The following MAML3 variants were observed in gnomAD, a reference collection of about 807,000 sequenced individuals.
The protein encoded by MAML3 is mastermind like transcriptional coactivator 3, also known as mastermind-like protein 3.
MAML3 carries 27 observed loss-of-function variants against 101.9 expected under a neutral mutation model. The observed-to-expected ratio is 0.27, with a 90% CI of 0.20 to 0.37. The LOEUF (loss-of-function observed/expected upper bound fraction) is 0.37, where lower values mean the gene tolerates loss of function less well. Among genes scored for constraint, MAML3 ranks in the 10% least tolerant of loss-of-function variants. MAML3 has a pLI of 1.00. For synonymous variants in MAML3, 501 were observed against 555.9 expected (o/e 0.90, Z 1.39); for missense variants, 1,316 against 1,444.9 (o/e 0.91, Z 1.45).
At chr4:139,747,859 G>A (rs1315323252) in intron 2 of MAML3, among the ~76,000 whole-genome samples, 1 of 151,814 alleles carries the variant, frequency 6.6e-6, no homozygotes, top group African/African-American at 2.4e-5. Flanking sequence ...TTCGACACAA[G>A]CCTGATCGAT....
Position 139,789,729 on chromosome 4 carries a change from A to C in MAML3, c.2080-59062T>G, listed in dbSNP as rs1057131611. 5.9e-5 allele frequency among the ~76,000 whole-genome samples: 9 copies of C among 152,306 alleles called. 1 individual carries two copies. Among genetic ancestry groups the C allele is most frequent in the Admixed American group, 5.9e-4 (9 of 15,298 alleles). On this transcript the variant is annotated intron_variant, in intron 2 of 4. Transcript: ENST00000509479. ...TTGGAACAGAGAGAGAAAGTATTGA[A>C]GATTAAACAGAACAGTTAGAAAGTT...
chr4:139,816,551 G>A (rs1202532099), intron 2 of MAML3, among the ~76,000 whole-genome samples: 1 of 152,106 alleles, frequency 6.6e-6, no homozygotes, highest in East Asian at 1.9e-4. Flanking sequence ...GAGGAAAGGA[G>A]GAACAGACGG....
chr4:140,064,294 T>G (rs942675195), intron 1 of MAML3, among the ~76,000 whole-genome samples: 2 of 152,190 alleles, frequency 1.3e-5, no homozygotes, highest in African/African-American at 2.4e-5. Context: ...ATGACTGAAT[T>G]GAGAGGTAAA....
At chr4:140,057,553 C>A (rs1486523313) in intron 1 of MAML3, among the ~76,000 whole-genome samples, 2 of 152,056 alleles carry the variant, frequency 1.3e-5, no homozygotes, top group African/African-American at 4.8e-5. Context: ...GTAAAAGGCA[C>A]TTTTATGGAA....
intron 1 of MAML3, among the ~76,000 whole-genome samples, chr4:140,045,902 CCTAGTCTT>C (rs1727175318): frequency 6.6e-6 from 1 of 152,058 alleles, no homozygotes; most frequent in African/African-American, 2.4e-5. Flanking sequence ...ATTGCCGTGG[CCTAGTCTT>C]CTAGGGTTAA....
intron 2 of MAML3, among the ~76,000 whole-genome samples, chr4:139,749,491 C>T (rs1163397883): frequency 6.6e-6 from 1 of 152,156 alleles, no homozygotes; most frequent in Non-Finnish European, 1.5e-5. Flanking sequence ...TCACCACAGA[C>T]ACAGTACTCA....
rs10644498 is a variant in MAML3, at chr4:139,943,864, C to CTTTTTTTTTTTTTTTTTTTTTT, written c.469-52919_469-52898dup. Among the ~76,000 whole-genome samples, 323 of 65,864 alleles carry CTTTTTTTTTTTTTTTTTTTTTT rather than the reference C, an allele frequency of 4.9e-3. 42 individuals carry two copies. The highest frequency in any genetic ancestry group is 6.4e-3 in the Non-Finnish European group (226 of 35,164). The allele number at this position is 65,864 out of a possible 152,430, so 43.2% of individuals were successfully genotyped here. A position where few individuals can be genotyped will look rare whatever the true frequency, so the allele number is the denominator to read the frequency against. On this transcript the variant is annotated intron_variant, in intron 1 of 4. Transcript: ENST00000509479. ...GGTTGGGTTGTGGGCCTAAAGACAA[C>CTTTTTTTTTTTTTTTTTTTTTT]TTTTTTTTTTTTTTTTTTTTTTTTG...
At chr4:139,800,863 G>A (rs1039759825) in intron 2 of MAML3, among the ~76,000 whole-genome samples, 2 of 152,210 alleles carry the variant, frequency 1.3e-5, no homozygotes, top group African/African-American at 4.8e-5. Flanking sequence ...AGACAAGGCT[G>A]GCAAATTGTT....
intron 1 of MAML3, among the ~76,000 whole-genome samples, chr4:140,097,909 T>C (rs1560892730): frequency 6.6e-6 from 1 of 152,234 alleles, no homozygotes; most frequent in South Asian, 2.1e-4. Context: ...TATCACTGAC[T>C]GGCTTGGCAT....
At chr4:139,870,276 C>T (rs1415349917) in intron 2 of MAML3, among the ~76,000 whole-genome samples, 3 of 152,140 alleles carry the variant, frequency 2.0e-5, no homozygotes, top group Non-Finnish European at 4.4e-5. Flanking sequence ...CCAGTAGCAG[C>T]GTCAATTCCC....
chr4:139,795,026 G>A (rs1223666988), intron 2 of MAML3, among the ~76,000 whole-genome samples: 1 of 152,206 alleles, frequency 6.6e-6, no homozygotes, highest in African/African-American at 2.4e-5. Flanking sequence ...GACTGAGACT[G>A]AAGTTATATT....
At chr4:140,083,987 G>C (rs1438399986) in intron 1 of MAML3, among the ~76,000 whole-genome samples, 148 of 149,624 alleles carry the variant, frequency 9.9e-4, no homozygotes, top group African/African-American at 3.5e-3. Context: ...GAGAGAGAGA[G>C]AGAGAGAGAG....
intron 1 of MAML3, among the ~76,000 whole-genome samples, chr4:139,980,683 A>G (rs1734428871): frequency 6.6e-6 from 1 of 152,174 alleles, no homozygotes; most frequent in Non-Finnish European, 1.5e-5. Flanking sequence ...AGTGTCTGCT[A>G]TGTAGTCAGC....
At chr4:140,129,660 T>C (rs1050206852) in intron 1 of MAML3, among the ~76,000 whole-genome samples, 2 of 152,112 alleles carry the variant, frequency 1.3e-5, no homozygotes, top group South Asian at 2.1e-4. Flanking sequence ...CAAGTCTAAC[T>C]GGTGATTAAG....
chr4:139,850,096 A>G (rs1300728575), intron 2 of MAML3, among the ~76,000 whole-genome samples: 1 of 152,194 alleles, frequency 6.6e-6, no homozygotes, highest in African/African-American at 2.4e-5. Flanking sequence ...TCAATTCAGT[A>G]TATTTCCCCC....
chr4:139,787,320 A>T (rs2111086670), intron 2 of MAML3, among the ~76,000 whole-genome samples: 1 of 152,356 alleles, frequency 6.6e-6, no homozygotes, highest in East Asian at 1.9e-4. Context: ...ACCATCTTCT[A>T]TCTTTGTTAC....
At chr4:139,842,819 C>T (rs1731385995) in intron 2 of MAML3, among the ~76,000 whole-genome samples, 1 of 115,508 alleles carries the variant, frequency 8.7e-6, no homozygotes, top group Non-Finnish European at 1.6e-5. Context: ...CACTCTGTTG[C>T]CCAGGCTGGA....
chr4:139,977,027 C>T (rs750053783), intron 1 of MAML3, among the ~76,000 whole-genome samples: 8 of 152,194 alleles, frequency 5.3e-5, no homozygotes, highest in South Asian at 4.2e-4. Context: ...GGAATCAGGT[C>T]GTAAGGGCAG....
intron 2 of MAML3, among the ~76,000 whole-genome samples, chr4:139,812,842 A>T (rs564672330): frequency 2.6e-5 from 4 of 152,184 alleles, no homozygotes; most frequent in African/African-American, 9.7e-5. Context: ...ACAGGTAAAG[A>T]TTGCCACACA....
Sources: gnomAD v4.1 joint callset for allele counts (sites outside exome capture counted in the v4.1 genomes callset) on GRCh38, gnomAD v4.1.1 for gene constraint, MANE v1.5 for transcripts, NCBI Gene and HGNC (gene_info 2026-07-23, HGNC 2026-07-21) for gene names.